C21orf91: variants seen among roughly 807,000 people sequenced by gnomAD.
The protein encoded by C21orf91 is protein EURL homolog.
Under a neutral mutation model 32.9 loss-of-function variants are expected in C21orf91, and 26 were observed. That is an observed-to-expected ratio of 0.79 (90% confidence interval 0.58 to 1.10). The LOEUF is 1.10. Among genes scored for constraint, C21orf91 ranks in the 50% least tolerant of loss-of-function variants. C21orf91 has a pLI of 0.00. For missense variants in C21orf91, 310 were observed against 341.3 expected (o/e 0.91, Z 0.72); for synonymous variants, 126 against 120.4 (o/e 1.05, Z -0.31).
chr21:17,793,350 T>C lies in C21orf91; in HGVS notation c.*65A>G. 1 of 1,284,990 alleles carries C rather than the reference T, an allele frequency of 7.8e-7. No homozygotes were observed. Among genetic ancestry groups the C allele is most frequent in the East Asian group, 2.4e-5 (1 of 41,522 alleles). The allele number at this position is 1,284,990 out of a possible 1,614,324, so 79.6% of individuals were successfully genotyped here. On this transcript the variant is annotated 3_prime_UTR_variant, in exon 5 of 5. Transcript: ENST00000284881. ...AACGGACCACAACTTTCTTCAAACT[T>C]CTTCAAAGTTTGCATGTCTGGGAGA... is the stretch of plus-strand genomic sequence containing the variant.
At chr21:17,801,690 T>C (rs2062562523) in intron 2 of C21orf91, among the ~76,000 whole-genome samples, 1 of 133,036 alleles carries the variant, frequency 7.5e-6, no homozygotes, top group Non-Finnish European at 1.6e-5. Context: ...AACTGGGGCC[T>C]GTTGGGGGTG....
intron 2 of C21orf91, among the ~76,000 whole-genome samples, chr21:17,808,352 G>A (rs1386234032): frequency 1.3e-5 from 2 of 152,220 alleles, no homozygotes; most frequent in East Asian, 1.9e-4. Context: ...AGATTTCAGA[G>A]GATGTATGGA....
chr21:17,792,480 T>G lies in C21orf91; in HGVS notation c.*935A>C, dbSNP rs1312583020. The G allele has an allele frequency of 1.3e-5, 2 of 152,008 alleles. No individual in the cohort carries two copies. Among genetic ancestry groups the G allele is most frequent in the Non-Finnish European group, 2.9e-5 (2 of 67,998 alleles). 9.4% of individuals were successfully genotyped at this position (152,008 alleles called of 1,614,324 possible). A position where few individuals can be genotyped will look rare whatever the true frequency, so the allele number is the denominator to read the frequency against. Reference sequence around the variant, plus strand: ...GTGGCACACAAAATAATCTTACTTTTTTTTTTCAAAGACAGAACAATTTCA... The same window carrying G: ...GTGGCACACAAAATAATCTTACTTTGTTTTTTCAAAGACAGAACAATTTCA... On this transcript the variant is annotated 3_prime_UTR_variant, in exon 5 of 5. Coordinates refer to ENST00000284881, the MANE Select transcript of C21orf91 (RefSeq NM_001100420.2).
At position 17,811,073 on chromosome 21, in the gene C21orf91, A is replaced by T. The variant is rs117298397; in HGVS notation, c.127+7119T>A. Reference sequence around the variant, plus strand: ...TGTAATTCATTTCCAATCTTGCCTAAAAGTTACTTAATAGCTCCTAAATTC... The same window carrying T: ...TGTAATTCATTTCCAATCTTGCCTATAAGTTACTTAATAGCTCCTAAATTC... On this transcript the variant is annotated intron_variant, in intron 2 of 4. Coordinates refer to ENST00000284881, the MANE Select transcript of C21orf91 (RefSeq NM_001100420.2). Among the ~76,000 whole-genome samples, 1,025 of 152,268 alleles carry T rather than the reference A, an allele frequency of 6.7e-3. 9 individuals are homozygous for T. The highest frequency in any genetic ancestry group is 8.4e-3 in the Non-Finnish European group (572 of 68,014).
At chr21:17,798,722 A>G (rs1336296753) in intron 2 of C21orf91, among the ~76,000 whole-genome samples, 1 of 152,232 alleles carries the variant, frequency 6.6e-6, no homozygotes, top group Non-Finnish European at 1.5e-5. Context: ...TAGAGTATAC[A>G]TCTTTAAAAA....
intron 2 of C21orf91, among the ~76,000 whole-genome samples, chr21:17,803,089 TTA>T (rs1462159273): frequency 2.0e-5 from 3 of 152,238 alleles, no homozygotes; most frequent in African/African-American, 7.2e-5. Context: ...AATGGTGGGC[TTA>T]TGTGTTCTTT....
chr21:17,797,745 G>T (rs904739993), intron 2 of C21orf91, among the ~76,000 whole-genome samples: 1 of 151,820 alleles, frequency 6.6e-6, no homozygotes, highest in South Asian at 2.1e-4. Context: ...TAGAAGAAAT[G>T]CATTATACTC....
chr21:17,813,759 G>C (rs775179187), intron 2 of C21orf91: 1 of 152,190 alleles, frequency 6.6e-6, no homozygotes, highest in Non-Finnish European at 1.5e-5. Flanking sequence ...CATCTCCTTT[G>C]AGCATCATGT....
intron 2 of C21orf91, among the ~76,000 whole-genome samples, chr21:17,803,649 A>C (rs2062577077): frequency 6.6e-6 from 1 of 152,180 alleles, no homozygotes; most frequent in Admixed American, 6.5e-5. Flanking sequence ...CAGGTACTTG[A>C]ATATGTATGT....
intron 3 of C21orf91, among the ~76,000 whole-genome samples, chr21:17,796,173 T>C (rs1663357966): frequency 1.3e-5 from 2 of 152,188 alleles, no homozygotes; most frequent in Admixed American, 1.3e-4. Flanking sequence ...ACACATTACC[T>C]TTGGCCTTTA....
At chr21:17,803,148 A>G (rs568880743) in intron 2 of C21orf91, among the ~76,000 whole-genome samples, 3 of 152,260 alleles carry the variant, frequency 2.0e-5, no homozygotes, top group Non-Finnish European at 4.4e-5. Flanking sequence ...AGTTGTTAAC[A>G]TGCTGTGAAA....
chr21:17,796,467 CAAT>C (rs1172886643), intron 3 of C21orf91, 112 bp downstream of exon 3: 17 of 793,074 alleles, frequency 2.1e-5, no homozygotes, highest in Admixed American at 9.6e-5. Flanking sequence ...CTGTTAAATA[CAAT>C]GTTTCCCAAA....
intron 2 of C21orf91, among the ~76,000 whole-genome samples, chr21:17,805,088 G>C (rs948479681): frequency 3.3e-5 from 5 of 152,196 alleles, no homozygotes; most frequent in Admixed American, 2.0e-4. Flanking sequence ...ATGTATAACT[G>C]AGCTATGCAA....
chr21:17,806,588 C>G (rs1405046640), intron 2 of C21orf91, among the ~76,000 whole-genome samples: 2 of 152,114 alleles, frequency 1.3e-5, no homozygotes, highest in Middle Eastern at 3.2e-3. Context: ...CCTGTAATCC[C>G]AACACTTTGG....
chr21:17,816,298 C>T (rs2062664596), intron 2 of C21orf91, among the ~76,000 whole-genome samples: 1 of 152,034 alleles, frequency 6.6e-6, no homozygotes, highest in Non-Finnish European at 1.5e-5. Flanking sequence ...TGTATATTCT[C>T]TATATAATGA....
intron 2 of C21orf91, among the ~76,000 whole-genome samples, chr21:17,799,978 T>C (rs1183289941): frequency 6.6e-6 from 1 of 152,212 alleles, no homozygotes; most frequent in Admixed American, 6.5e-5. Flanking sequence ...TAAAGGTGTC[T>C]TTCAGTGAAG....
In C21orf91 at chr21:17,796,760, C is replaced by T. The variant is rs749953082; in HGVS notation, c.486G>A (p.Leu162=). The change falls in exon 3 of 5, where the codon TTG becomes TTA. Residue 162 remains leucine, a synonymous_variant. Transcript: ENST00000284881. ...CAAAGTCTGTATTTTCCCTCTGCTC[C>T]AAAATTCTTTGTGTACAGTTAGAGA... is the stretch of plus-strand genomic sequence containing the variant. ...GGISNCTQRI[L]EQRENTDFGL... The T allele has an allele frequency of 3.7e-6, 6 of 1,614,056 alleles. No homozygotes were observed. In the Admixed American group the frequency reaches 1.0e-4, roughly 27 times the overall value.
chr21:17,795,325 C>CTTA (rs1447652318), intron 3 of C21orf91, 55 bp from the exon 4 acceptor site: 3 of 1,121,646 alleles, frequency 2.7e-6, no homozygotes, highest in Non-Finnish European at 4.1e-6. Context: ...AAACATGCTG[C>CTTA]TTACATCACC....
rs1010035869 is a variant in C21orf91, at chr21:17,792,793, A to C, written c.*622T>G. 7 of 152,636 alleles carry C rather than the reference A, an allele frequency of 4.6e-5. No homozygotes were observed. The highest frequency in any genetic ancestry group is 1.7e-4 in the African/African-American group (7 of 41,458). The allele number at this position is 152,636 out of a possible 1,614,324, so 9.5% of individuals were successfully genotyped here. On this transcript the variant is annotated 3_prime_UTR_variant, in exon 5 of 5. Coordinates refer to ENST00000284881, the MANE Select transcript of C21orf91 (RefSeq NM_001100420.2). ...TTTTACAAGAGGTATTAGAAATTAAAACAACTCAGATTTCTAATCCAAAAT... is the reference window on the plus strand; with the variant it reads ...TTTTACAAGAGGTATTAGAAATTAACACAACTCAGATTTCTAATCCAAAAT...
Sources: allele counts gnomAD v4.1 joint callset (sites outside exome capture counted in the v4.1 genomes callset), GRCh38; gene constraint gnomAD v4.1.1; transcripts MANE v1.5; gene names NCBI Gene and HGNC (gene_info 2026-07-23, HGNC 2026-07-21).